The following PRKN variants were observed in gnomAD, a reference collection of about 807,000 sequenced individuals.
PRKN encodes the protein parkin RBR E3 ubiquitin protein ligase, also known as E3 ubiquitin-protein ligase parkin.
A neutral mutation model predicts 59.5 loss-of-function variants in PRKN; 56 were observed. The ratio of observed to expected loss-of-function variants is 0.94; its 90% confidence interval spans 0.76 to 1.18. The LOEUF (loss-of-function observed/expected upper bound fraction) is 1.18. Ranked by LOEUF, PRKN falls within the 50% of genes most tolerant of loss-of-function variation. The pLI is 0.00. For synonymous variants in PRKN, 250 were observed against 222.1 expected (o/e 1.13, Z -1.12); for missense variants, 657 against 596.4 (o/e 1.10, Z -1.06).
chr6:162,254,033 CA>C (rs1174164927), intron 3 of PRKN, among the ~76,000 whole-genome samples: 1 of 152,154 alleles, frequency 6.6e-6, no homozygotes, highest in Non-Finnish European at 1.5e-5. Context: ...CCTTAGTTTT[CA>C]GGGGGTTAGA....
intron 7 of PRKN, among the ~76,000 whole-genome samples, chr6:161,741,114 G>T (rs1266676272): frequency 6.6e-6 from 1 of 152,164 alleles, no homozygotes; most frequent in Non-Finnish European, 1.5e-5. Context: ...TATTCTCCTG[G>T]GTTCACGCTG....
chr6:162,320,618 G>A (rs192649826), intron 2 of PRKN, among the ~76,000 whole-genome samples: 3 of 151,822 alleles, frequency 2.0e-5, no homozygotes, highest in Admixed American at 6.6e-5. Context: ...CCAGGATATT[G>A]TGCTGCTAAT....
chr6:162,226,026 T>C (rs914966121), intron 3 of PRKN, among the ~76,000 whole-genome samples: 2 of 147,684 alleles, frequency 1.4e-5, no homozygotes, highest in Admixed American at 6.8e-5. Context: ...CCCAGGGGAA[T>C]CTATTGCATA....
At chr6:162,016,916 C>T (rs987018992) in intron 5 of PRKN, among the ~76,000 whole-genome samples, 8 of 152,086 alleles carry the variant, frequency 5.3e-5, no homozygotes, top group Admixed American at 4.6e-4. Context: ...CCCAACACGC[C>T]AACTCCACCT....
intron 7 of PRKN, among the ~76,000 whole-genome samples, chr6:161,642,247 T>A (rs1273270333): frequency 6.6e-6 from 1 of 152,212 alleles, no homozygotes; most frequent in Non-Finnish European, 1.5e-5. Context: ...ATAAATGTAA[T>A]CAATATGGAA....
rs1335032779 is a variant in PRKN at position 162,044,410 on chromosome 6, C to A, written c.618+9681G>T. Reference sequence around the variant, plus strand: ...GGGCTCCTGCAGGAGCTCCTCCCTGCTAGGCATGTCCTCAACCCCTAGTCA... The same window carrying A: ...GGGCTCCTGCAGGAGCTCCTCCCTGATAGGCATGTCCTCAACCCCTAGTCA... On this transcript the variant is annotated intron_variant, in intron 5 of 11. Coordinates refer to ENST00000366898, the MANE Select transcript of PRKN (RefSeq NM_004562.3). 3.3e-5 allele frequency among the ~76,000 whole-genome samples: 5 copies of A among 152,326 alleles called. No homozygotes were observed. The East Asian group carries it at 9.6e-4, about 29-fold the overall frequency.
chr6:162,022,161 G>A (rs773609819), intron 5 of PRKN, among the ~76,000 whole-genome samples: 1 of 152,022 alleles, frequency 6.6e-6, no homozygotes, highest in Admixed American at 6.6e-5. Context: ...ATAAACATAT[G>A]AGTTTTTGAT....
chr6:162,688,764 T>C (rs952088410), intron 1 of PRKN, among the ~76,000 whole-genome samples: 2 of 152,222 alleles, frequency 1.3e-5, no homozygotes, highest in African/African-American at 4.8e-5. Context: ...TCTCATTGCC[T>C]ATCAGCTTAA....
At chr6:162,388,498 G>C (rs1347815419) in intron 2 of PRKN, among the ~76,000 whole-genome samples, 2 of 152,146 alleles carry the variant, frequency 1.3e-5, no homozygotes, top group Non-Finnish European at 2.9e-5. Context: ...AGGTTGAGGG[G>C]CAGCTTTTCT....
At chr6:161,778,314 T>G (rs968895942) in intron 7 of PRKN, among the ~76,000 whole-genome samples, 1 of 152,182 alleles carries the variant, frequency 6.6e-6, no homozygotes, top group African/African-American at 2.4e-5. Context: ...ATTTGCAGCT[T>G]CATTCACACT....
At chr6:162,662,612 G>A (rs778684548) in intron 1 of PRKN, among the ~76,000 whole-genome samples, 1 of 152,096 alleles carries the variant, frequency 6.6e-6, no homozygotes, top group African/African-American at 2.4e-5. Context: ...GGTGAAAGGT[G>A]TGAGTCCAGT....
chr6:162,297,769 T>C (rs890632157), intron 2 of PRKN, among the ~76,000 whole-genome samples: 2 of 152,076 alleles, frequency 1.3e-5, no homozygotes, highest in African/African-American at 4.8e-5. Flanking sequence ...TAAAAATAAA[T>C]GTATCAATAT....
At chr6:162,062,894 T>G (rs1778157356) in intron 4 of PRKN, among the ~76,000 whole-genome samples, 1 of 152,136 alleles carries the variant, frequency 6.6e-6, no homozygotes, top group Admixed American at 6.6e-5. Context: ...TTTACACAAA[T>G]TATTCTCAAT....
intron 3 of PRKN, among the ~76,000 whole-genome samples, chr6:162,245,305 C>G (rs559050889): frequency 6.6e-6 from 1 of 152,092 alleles, no homozygotes; most frequent in East Asian, 1.9e-4. Context: ...GCCCTGTAAA[C>G]ACTTGACAAG....
chr6:162,541,746 C>T (rs1007285058), intron 1 of PRKN, among the ~76,000 whole-genome samples: 3 of 152,072 alleles, frequency 2.0e-5, no homozygotes, highest in Non-Finnish European at 4.4e-5. Context: ...ATTTTGCAGC[C>T]GTTTAGCGTT....
intron 3 of PRKN, among the ~76,000 whole-genome samples, chr6:162,254,120 C>A (rs918302171): frequency 3.9e-5 from 6 of 152,070 alleles, no homozygotes; most frequent in African/African-American, 1.4e-4. Context: ...TAAGGAAGGA[C>A]CGTCTTTGAC....
At chr6:161,591,236 ATTCT>A (rs1486270720) in intron 7 of PRKN, among the ~76,000 whole-genome samples, 1 of 152,222 alleles carries the variant, frequency 6.6e-6, no homozygotes, top group African/African-American at 2.4e-5. Context: ...TGTATGAAAA[ATTCT>A]TTCTCTTGCA....
Position 161,552,787 on chromosome 6 carries a change from G to GTTTTT in PRKN, c.934-3789_934-3785dup, listed in dbSNP as rs368591221. 1.2e-5 allele frequency among the ~76,000 whole-genome samples: 1 copy of GTTTTT among 86,504 alleles called. No homozygotes were observed. Among genetic ancestry groups the GTTTTT allele is most frequent in the East Asian group, 5.1e-4 (1 of 1,944 alleles). 56.7% of individuals were successfully genotyped at this position (86,504 alleles called of 152,430 possible). A position where few individuals can be genotyped will look rare whatever the true frequency, so the allele number is the denominator to read the frequency against. On this transcript the variant is annotated intron_variant, in intron 8 of 11. Transcript: ENST00000366898. The surrounding 1 kb of genome is among the most constrained non-coding windows in gnomAD (Gnocchi z 4.9). ...TAAAAGACACCATGGTTTTGTTGTT[G>GTTTTT]TTTTTGTTTTTTGTTTTTTTTTTTT... is the stretch of plus-strand genomic sequence containing the variant.
chr6:161,927,748 C>G (rs1374730269), intron 6 of PRKN, among the ~76,000 whole-genome samples: 1 of 151,288 alleles, frequency 6.6e-6, no homozygotes. Flanking sequence ...GCACTCCAGC[C>G]TGGGCAACAA....
Sources: gnomAD v4.1 joint callset for allele counts (sites outside exome capture counted in the v4.1 genomes callset) on GRCh38, gnomAD v4.1.1 for gene constraint, Gnocchi (gnomAD v3.1) non-coding constraint, MANE v1.5 for transcripts, NCBI Gene and HGNC (gene_info 2026-07-23, HGNC 2026-07-21) for gene names.